STARD13: variants seen among roughly 807,000 people sequenced by gnomAD.
STARD13 encodes stAR-related lipid transfer protein 13.
A neutral mutation model predicts 106.4 loss-of-function variants in STARD13; 62 were observed. The ratio of observed to expected loss-of-function variants is 0.58; its 90% CI spans 0.48 to 0.72. The LOEUF (loss-of-function observed/expected upper bound fraction) is 0.72. Ranked by LOEUF, STARD13 falls within the 30% of genes least tolerant of loss-of-function variation. The probability of loss-of-function intolerance (pLI) is 0.00; values close to 1 mark genes in which losing one functional copy is unlikely to be tolerated. For missense variants in STARD13, 1,387 were observed against 1,424.0 expected (o/e 0.97, Z 0.42); for synonymous variants, 565 against 553.0 (o/e 1.02, Z -0.31).
chr13:33,325,787 G>T (rs1460684960), intron 1 of STARD13, among the ~76,000 whole-genome samples: 1 of 152,012 alleles, frequency 6.6e-6, no homozygotes, highest in Non-Finnish European at 1.5e-5. Flanking sequence ...GAGGTCAGGA[G>T]ATCGAGACCA....
chr13:33,184,329 T>C (rs1700886361), intron 1 of STARD13, among the ~76,000 whole-genome samples: 1 of 152,142 alleles, frequency 6.6e-6, no homozygotes, highest in Admixed American at 6.5e-5. Flanking sequence ...TTGTTAAGAA[T>C]GAAGATACAA....
chr13:33,451,860 G>C, the STARD13 span, among the ~76,000 whole-genome samples: 45,420 of 152,100 alleles, frequency 0.3, 7,596 homozygotes, highest in Non-Finnish European at 0.39. Flanking sequence ...GCAGGAATAG[G>C]TTAATAGAAA....
At chr13:33,660,824 T>A in the STARD13 span, among the ~76,000 whole-genome samples, 1 of 152,186 alleles carries the variant, frequency 6.6e-6, no homozygotes, top group African/African-American at 2.4e-5. Flanking sequence ...CCTCGAATGA[T>A]CCTCCTGCCT....
the STARD13 span, among the ~76,000 whole-genome samples, chr13:33,427,955 C>CAAAAAAAAAAAA: frequency 2.1e-4 from 21 of 100,938 alleles, no homozygotes; most frequent in African/African-American, 6.9e-4. Context: ...AACTCCGTCT[C>CAAAAAAAAAAAA]AAAAAAAAAA....
At chr13:33,618,723 G>A in the STARD13 span, among the ~76,000 whole-genome samples, 10 of 151,954 alleles carry the variant, frequency 6.6e-5, no homozygotes, top group East Asian at 1.9e-4. Flanking sequence ...GTAAGGAAAC[G>A]TCAGATGAGC....
chr13:33,108,020 G>A (rs766116945), intron 12 of STARD13, among the ~76,000 whole-genome samples: 73 of 152,332 alleles, frequency 4.8e-4, no homozygotes, highest in Admixed American at 9.1e-4. Context: ...CAAATGCTCA[G>A]CGACTTCCAT....
At position 33,129,158 on chromosome 13, in the gene STARD13, C is replaced by A. The variant is rs568277121; in HGVS notation, c.1519G>T (p.Val507Phe). ...TCATGAGTTTGCAGTTCAGGCAAGA[C>A]ATCTTTGGACCAGTCATCGACTACC... ...QEVVDDWSKD[V>F]LPELQTHDTL... Residue 507 changes from valine (V) to phenylalanine (F), a missense_variant, in exon 5 of 14, where the codon GTC becomes TTC. Coordinates refer to ENST00000336934, the MANE Select transcript of STARD13 (RefSeq NM_178006.4). 3 of 1,614,198 alleles carry A rather than the reference C, an allele frequency of 1.9e-6. No homozygotes were observed. In the East Asian group the frequency reaches 6.7e-5, roughly 36 times the overall value.
chr13:33,582,550 G>A, the STARD13 span, among the ~76,000 whole-genome samples: 2 of 152,164 alleles, frequency 1.3e-5, no homozygotes, highest in Non-Finnish European at 2.9e-5. Context: ...ACGAATACCT[G>A]TTAATATGTA....
intron 1 of STARD13, among the ~76,000 whole-genome samples, chr13:33,255,436 C>T (rs1419742071): frequency 6.6e-6 from 1 of 152,014 alleles, no homozygotes; most frequent in Non-Finnish European, 1.5e-5. Flanking sequence ...GGCCAAACTC[C>T]ATCCTCCAGG....
chr13:33,219,829 AAG>A lies in STARD13; in HGVS notation c.170-52209_170-52208del, dbSNP rs1352054354. Among the ~76,000 whole-genome samples, 52 of 150,486 alleles carry A rather than the reference AAG, an allele frequency of 3.5e-4. 1 individual carries two copies. The highest frequency in any genetic ancestry group is 3.2e-4 in the African/African-American group (13 of 41,060). ...AAAAACAAACAAAAAAAAAAAAAGA[AAG>A]AAAGAAAGAAAGAAGAAAAGAGAAG... On this transcript the variant is annotated intron_variant, in intron 1 of 13. Coordinates refer to ENST00000336934, the MANE Select transcript of STARD13 (RefSeq NM_178006.4).
chr13:33,154,423 A>G (rs944557657), intron 3 of STARD13, among the ~76,000 whole-genome samples: 4 of 152,362 alleles, frequency 2.6e-5, no homozygotes, highest in African/African-American at 7.2e-5. Context: ...CTCTAGCTAT[A>G]CAAAGAAAAT....
the STARD13 span, among the ~76,000 whole-genome samples, chr13:33,627,965 C>CTTT: frequency 1.6e-3 from 233 of 147,258 alleles, 5 homozygotes; most frequent in African/African-American, 5.8e-3. Context: ...TCTTTTTTTT[C>CTTT]TTTCTTTTTT....
chr13:33,291,942 T>A (rs1337240498), intron 1 of STARD13, among the ~76,000 whole-genome samples: 1 of 152,214 alleles, frequency 6.6e-6, no homozygotes, highest in Admixed American at 6.5e-5. Context: ...AGGTCTTTAA[T>A]CTTATTGCAG....
chr13:33,487,748 C>T, the STARD13 span, among the ~76,000 whole-genome samples: 15 of 152,272 alleles, frequency 9.9e-5, no homozygotes, highest in Admixed American at 6.5e-4. Flanking sequence ...CCTCCAAAGC[C>T]ACGTTCCTCA....
At chr13:33,231,120 G>A (rs1888897644) in intron 1 of STARD13, among the ~76,000 whole-genome samples, 1 of 152,200 alleles carries the variant, frequency 6.6e-6, no homozygotes, top group South Asian at 2.1e-4. Context: ...TTGGCTGAGT[G>A]AGTGATAAAG....
intron 1 of STARD13, among the ~76,000 whole-genome samples, chr13:33,319,747 CAT>C (rs1190196988): frequency 1.3e-5 from 2 of 152,122 alleles, no homozygotes; most frequent in Non-Finnish European, 2.9e-5. Context: ...GGGTTGGACT[CAT>C]AGATTATCTC....
downstream of STARD13, among the ~76,000 whole-genome samples, chr13:33,346,858 G>A (rs1045968187): frequency 4.6e-5 from 7 of 151,190 alleles, no homozygotes; most frequent in African/African-American, 1.2e-4. Flanking sequence ...AGGCTGTCTT[G>A]AACTTCCGAC....
At chr13:33,493,949 A>G in the STARD13 span, among the ~76,000 whole-genome samples, 11 of 152,214 alleles carry the variant, frequency 7.2e-5, no homozygotes, top group African/African-American at 2.7e-4. Flanking sequence ...ATGAGACCGT[A>G]AACGACTTGG....
At chr13:33,639,750 G>C in the STARD13 span, among the ~76,000 whole-genome samples, 1 of 152,166 alleles carries the variant, frequency 6.6e-6, no homozygotes, top group Non-Finnish European at 1.5e-5. Flanking sequence ...TAAGGCAAAA[G>C]CCAAACTGTA....
Sources: gnomAD v4.1 joint callset for allele counts (sites outside exome capture counted in the v4.1 genomes callset) on GRCh38, gnomAD v4.1.1 for gene constraint, MANE v1.5 for transcripts, NCBI Gene and HGNC (gene_info 2026-07-23, HGNC 2026-07-21) for gene names.